The following CNTN5 variants were observed in gnomAD, a reference collection of about 807,000 sequenced individuals.
CNTN5 encodes contactin 5.
Under a neutral mutation model 129.1 loss-of-function variants are expected in CNTN5, and 77 were observed. The ratio of observed to expected loss-of-function variants is 0.60; its 90% CI spans 0.50 to 0.72. The LOEUF (loss-of-function observed/expected upper bound fraction) is 0.72, where lower values mean the gene tolerates loss of function less well. Ranked by LOEUF, CNTN5 falls within the 30% of genes least tolerant of loss-of-function variation. The pLI, the probability that CNTN5 is intolerant of heterozygous loss-of-function variation, is 0.00. For synonymous variants in CNTN5, 509 were observed against 465.6 expected, an observed-to-expected ratio of 1.09 and a Z score of -1.20; for missense variants, 1,478 against 1,328.8, an observed-to-expected ratio of 1.11 and a Z score of -1.75.
chr11:100,058,686 G>A (rs568549863), intron 9 of CNTN5, among the ~76,000 whole-genome samples: 6 of 152,156 alleles, frequency 3.9e-5, no homozygotes, highest in Non-Finnish European at 7.4e-5. Context: ...AAAGGTATTC[G>A]AAGATACGTA....
chr11:99,889,024 C>CCAT (rs1213616521), intron 6 of CNTN5, among the ~76,000 whole-genome samples: 3 of 151,940 alleles, frequency 2.0e-5, no homozygotes, highest in Admixed American at 6.6e-5. Flanking sequence ...CCATCACTTA[C>CCAT]CATCATCATC....
At chr11:100,066,832 CCAA>C (rs1943714692) in intron 10 of CNTN5, among the ~76,000 whole-genome samples, 1 of 61,870 alleles carries the variant, frequency 1.6e-5, no homozygotes. Flanking sequence ...CAGTCCTCTG[CCAA>C]AAAAAAAAAA....
At chr11:99,196,947 G>C (rs1858932374) in intron 1 of CNTN5, among the ~76,000 whole-genome samples, 2 of 151,746 alleles carry the variant, frequency 1.3e-5, no homozygotes, top group Non-Finnish European at 3.0e-5. Flanking sequence ...GCATAGAAAA[G>C]TCACAGAACA....
At chr11:99,900,125 G>A (rs372993558) in intron 6 of CNTN5, among the ~76,000 whole-genome samples, 12 of 148,882 alleles carry the variant, frequency 8.1e-5, no homozygotes, top group East Asian at 3.9e-4. Context: ...CCCAACTAGC[G>A]TTCTATGAAT....
intron 2 of CNTN5, among the ~76,000 whole-genome samples, chr11:99,335,959 A>G (rs1461440127): frequency 1.3e-5 from 2 of 152,156 alleles, no homozygotes; most frequent in African/African-American, 2.4e-5. Context: ...TAATTAAAAT[A>G]TAGTCAGATT....
intron 2 of CNTN5, among the ~76,000 whole-genome samples, chr11:99,465,634 T>TA (rs2135253130): frequency 5.3e-5 from 1 of 18,706 alleles, no homozygotes; most frequent in East Asian, 0.056. Context: ...ATGAATAAAT[T>TA]AATTTTTTTT....
intron 8 of CNTN5, among the ~76,000 whole-genome samples, chr11:99,958,771 T>G (rs1245044195): frequency 6.6e-6 from 1 of 152,328 alleles, no homozygotes; most frequent in East Asian, 1.9e-4. Context: ...TAAGACGTTA[T>G]TGCATTCTTA....
intron 13 of CNTN5, among the ~76,000 whole-genome samples, chr11:100,180,599 A>T (rs574412217): frequency 1.3e-5 from 2 of 152,130 alleles, no homozygotes; most frequent in South Asian, 4.1e-4. Flanking sequence ...CAAAAGTATG[A>T]TCTATAAAAG....
rs559352108 is a variant in CNTN5, at chr11:99,828,958, A to G, written c.277+9193A>G. Among the ~76,000 whole-genome samples the G allele has an allele frequency of 4.2e-4, 64 of 152,270 alleles. 1 individual carries two copies. Among genetic ancestry groups the G allele is most frequent in the Non-Finnish European group, 7.6e-4 (52 of 68,002 alleles). ...TTTCCAGCGAGAATTAGAAAACATC[A>G]TGTCTGATTTCACTTTATTATTTAT... On this transcript the variant is annotated intron_variant, in intron 4 of 24. Coordinates refer to ENST00000524871, the MANE Select transcript of CNTN5 (RefSeq NM_014361.4).
intron 1 of CNTN5, among the ~76,000 whole-genome samples, chr11:99,224,425 A>T (rs544420385): frequency 3.3e-5 from 5 of 152,262 alleles, no homozygotes; most frequent in Middle Eastern, 6.8e-3. Context: ...ATAAGATCAG[A>T]ACTTCAACAT....
intron 13 of CNTN5, among the ~76,000 whole-genome samples, chr11:100,108,831 C>G (rs1014690229): frequency 1.3e-5 from 2 of 151,812 alleles, no homozygotes; most frequent in African/African-American, 2.4e-5. Context: ...TAGTATATAT[C>G]AAAGTTCAAT....
chr11:99,330,219 A>G (rs1304564263), intron 2 of CNTN5, among the ~76,000 whole-genome samples: 2 of 149,370 alleles, frequency 1.3e-5, no homozygotes, highest in African/African-American at 2.5e-5. Flanking sequence ...GAAAGGGAGA[A>G]GGAAGGGAAG....
intron 3 of CNTN5, among the ~76,000 whole-genome samples, chr11:99,584,700 T>A (rs1949733478): frequency 6.6e-6 from 1 of 152,244 alleles, no homozygotes; most frequent in South Asian, 2.1e-4. Context: ...CACTTCTGCT[T>A]CACGCATGCA....
chr11:99,121,431 C>T (rs531603127), intron 1 of CNTN5, among the ~76,000 whole-genome samples: 1 of 152,290 alleles, frequency 6.6e-6, no homozygotes, highest in East Asian at 1.9e-4. Context: ...CCACACCCAA[C>T]CGGTTTTAGC....
chr11:99,159,743 G>C (rs918730268), intron 1 of CNTN5, among the ~76,000 whole-genome samples: 1 of 151,926 alleles, frequency 6.6e-6, no homozygotes, highest in African/African-American at 2.4e-5. Flanking sequence ...ATGGCATAAG[G>C]GATAATAAAT....
At chr11:99,304,001 A>T (rs1436277400) in intron 1 of CNTN5, among the ~76,000 whole-genome samples, 2 of 152,140 alleles carry the variant, frequency 1.3e-5, no homozygotes, top group Non-Finnish European at 2.9e-5. Flanking sequence ...CTTCCATGTT[A>T]ATGTCTGTCT....
intron 23 of CNTN5, 43 bp downstream of exon 23, chr11:100,341,248 A>C (rs760742377): frequency 7.3e-7 from 1 of 1,372,128 alleles, no homozygotes; most frequent in African/African-American, 1.4e-5. Flanking sequence ...TCATCTCCGA[A>C]ATTGTTATTA....
chr11:100,345,431 C>T (rs1021185359), intron 23 of CNTN5, among the ~76,000 whole-genome samples: 6 of 152,100 alleles, frequency 3.9e-5, no homozygotes, highest in African/African-American at 1.4e-4. Context: ...ACTGGCAACA[C>T]CTGAATTCTG....
At chr11:100,107,847 T>C (rs535739544) in intron 13 of CNTN5, among the ~76,000 whole-genome samples, 1 of 152,180 alleles carries the variant, frequency 6.6e-6, no homozygotes, top group South Asian at 2.1e-4. Context: ...TAAGCCTATA[T>C]AGATATATGT....
Sources: gnomAD v4.1 joint callset for allele counts (sites outside exome capture counted in the v4.1 genomes callset) on GRCh38, gnomAD v4.1.1 for gene constraint, MANE v1.5 for transcripts, NCBI Gene and HGNC (gene_info 2026-07-23, HGNC 2026-07-21) for gene names.